The following CHD9 variants were observed in gnomAD, a reference collection of about 807,000 sequenced individuals.
CHD9 encodes the protein chromodomain helicase DNA binding protein 9.
Under a neutral mutation model 316.1 loss-of-function variants are expected in CHD9, and 77 were observed. That is an observed-to-expected ratio of 0.24 (90% CI 0.20 to 0.29). The LOEUF (loss-of-function observed/expected upper bound fraction) is 0.29. Among genes scored for constraint, CHD9 ranks in the 10% least tolerant of loss-of-function variants. The pLI is 1.00. For synonymous variants in CHD9, 1,129 were observed against 1,158.3 expected, an observed-to-expected ratio of 0.97 and a Z score of 0.51; for missense variants, 2,763 against 3,438.1, an observed-to-expected ratio of 0.80 and a Z score of 4.91.
rs1316971528 is a variant in CHD9 at position 53,156,027 on chromosome 16, T to C, written c.-63T>C. 20 of 1,486,672 alleles carry C rather than the reference T, an allele frequency of 1.3e-5. No individual in the cohort carries two copies. The highest frequency in any genetic ancestry group is 2.8e-5 in the African/African-American group (2 of 71,670). 92.1% of individuals were successfully genotyped at this position (1,486,672 alleles called of 1,614,324 possible). ...TCGGAAATGATCCAATAATATCTAC[T>C]ATAGAGAAGCTGAATATACTCCATT... On this transcript the variant is annotated 5_prime_UTR_variant, in exon 2 of 39. Coordinates refer to ENST00000447540, the MANE Select transcript of CHD9 (RefSeq NM_001308319.2).
chr16:53,074,225 A>ATTTCTAAGCAGCAAAGATATCT, intron 1 of CHD9, among the ~76,000 whole-genome samples: 1 of 152,342 alleles, frequency 6.6e-6, no homozygotes, highest in Admixed American at 6.5e-5. Flanking sequence ...GATTTAGGGT[A>ATTTCTAAGCAGCAAAGATATCT]TCTGGTGGAA....
Position 53,068,737 on chromosome 16 carries a change from A to C in CHD9, c.-165+13660A>C, listed in dbSNP as rs116591158. ...TCATCTTTCTCTCCCACCTGCACAC[A>C]CTGGGCTCAGTGCAAGCTTGCGGTC... On this transcript the variant is annotated intron_variant, in intron 1 of 38. Coordinates refer to ENST00000447540, the MANE Select transcript of CHD9 (RefSeq NM_001308319.2). 8.5e-3 allele frequency among the ~76,000 whole-genome samples: 1,294 copies of C among 152,270 alleles called. 24 individuals carry two copies. Among genetic ancestry groups the C allele is most frequent in the African/African-American group, 0.029 (1,203 of 41,546 alleles).
rs138926987 is a variant in CHD9 at position 53,213,709 on chromosome 16, C to T, written c.1784+3896C>T. Reference sequence around the variant, plus strand: ...TTATCGAATGGGATTTCACATGATTCGATAGAAGTATTTTTAAACCTATGA... The same window carrying T: ...TTATCGAATGGGATTTCACATGATTTGATAGAAGTATTTTTAAACCTATGA... On this transcript the variant is annotated intron_variant, in intron 3 of 38. Transcript: ENST00000447540. 9.2e-5 allele frequency among the ~76,000 whole-genome samples: 14 copies of T among 152,160 alleles called. No individual in the cohort carries two copies. The East Asian group carries it at 2.1e-3, about 23-fold the overall frequency.
At chr16:53,124,467 ATTTTTTTTTTTTT>A (rs753476091) in intron 1 of CHD9, among the ~76,000 whole-genome samples, 13 of 96,924 alleles carry the variant, frequency 1.3e-4, no homozygotes, top group South Asian at 4.1e-4. Flanking sequence ...GTGAGACTTA[ATTTTTTTTTTTTT>A]TTTTTTTTTT....
At chr16:53,186,531 C>T (rs191451531) in intron 2 of CHD9, among the ~76,000 whole-genome samples, 131 of 152,166 alleles carry the variant, frequency 8.6e-4, no homozygotes, top group African/African-American at 2.8e-3. Flanking sequence ...TGAAATAAGA[C>T]TTCGAGGGAC....
At chr16:53,125,638 T>C (rs1299493190) in intron 1 of CHD9, among the ~76,000 whole-genome samples, 1 of 152,214 alleles carries the variant, frequency 6.6e-6, no homozygotes, top group Non-Finnish European at 1.5e-5. Context: ...GCTAGAGATA[T>C]ATAGTAGATA....
intron 10 of CHD9, 55 bp downstream of exon 10, chr16:53,231,839 T>C: frequency 7.2e-7 from 1 of 1,389,572 alleles, no homozygotes; most frequent in Non-Finnish European, 9.9e-7. Context: ...TTATGTAAGT[T>C]ATGATATTGC....
intron 1 of CHD9, among the ~76,000 whole-genome samples, chr16:53,134,470 C>G (rs910621689): frequency 7.1e-6 from 1 of 140,952 alleles, no homozygotes; most frequent in Non-Finnish European, 1.5e-5. Context: ...GCTTCACTCC[C>G]TTACTTTTCC....
intron 1 of CHD9, among the ~76,000 whole-genome samples, chr16:53,126,970 C>T (rs1202278708): frequency 6.6e-6 from 1 of 151,610 alleles, no homozygotes; most frequent in East Asian, 1.9e-4. Context: ...TGAGCCACCG[C>T]ACCCAGCCAG....
At chr16:53,284,123 G>C (rs557703889) in intron 24 of CHD9, among the ~76,000 whole-genome samples, 1 of 151,932 alleles carries the variant, frequency 6.6e-6, no homozygotes, top group Admixed American at 6.6e-5. Context: ...TTGTCAATAG[G>C]AAATCCCCCA....
chr16:53,226,384 CAAATT>C lies in CHD9; in HGVS notation c.1919_1923del (p.Ile640LysfsTer14). On this transcript the variant is annotated frameshift_variant, in exon 5 of 39. Coordinates refer to ENST00000447540, the MANE Select transcript of CHD9 (RefSeq NM_001308319.2). LOFTEE classifies it high-confidence loss of function. The stretch of plus-strand genomic sequence containing the variant: ...ATTACAGAAAAGAAGATCAAATCGA[CAAATT>C]AAAAGAAAAAAATACGCAGAAGATA... 1 of 1,567,320 alleles carries C rather than the reference CAAATT, an allele frequency of 6.4e-7. No homozygotes were observed. The highest frequency in any genetic ancestry group is 8.6e-7 in the Non-Finnish European group (1 of 1,160,278).
intron 2 of CHD9, among the ~76,000 whole-genome samples, chr16:53,193,442 C>A (rs1186756284): frequency 6.7e-6 from 1 of 149,230 alleles, no homozygotes; most frequent in Non-Finnish European, 1.5e-5. Flanking sequence ...GAGTGAGACT[C>A]TGTCCCAAAA....
At chr16:53,098,143 G>A (rs2036536023) in intron 1 of CHD9, among the ~76,000 whole-genome samples, 1 of 151,924 alleles carries the variant, frequency 6.6e-6, no homozygotes, top group African/African-American at 2.4e-5. Flanking sequence ...GGAACCAACT[G>A]TTTTTTCAGG....
At chr16:53,231,934 AG>A in intron 10 of CHD9, 150 bp downstream of exon 10, 1 of 729,836 alleles carries the variant, frequency 1.4e-6, no homozygotes. Flanking sequence ...AAAGCTTAAG[AG>A]GGAGTTTATA....
At chr16:53,313,594 CT>C (rs2056646479) in intron 34 of CHD9, among the ~76,000 whole-genome samples, 1 of 152,054 alleles carries the variant, frequency 6.6e-6, no homozygotes, top group African/African-American at 2.4e-5. Context: ...GCGTGAGCCA[CT>C]ATGCCCGGCC....
intron 12 of CHD9, among the ~76,000 whole-genome samples, chr16:53,240,187 A>G (rs981849155): frequency 1.1e-4 from 16 of 152,156 alleles, no homozygotes; most frequent in Non-Finnish European, 1.9e-4. Context: ...GATTACAGGC[A>G]GGAGCCACTG....
chr16:53,321,714 A>C, intron 38 of CHD9, 84 bp downstream of exon 38: 1 of 755,392 alleles, frequency 1.3e-6, no homozygotes, highest in Non-Finnish European at 1.9e-6. Context: ...TATAATTAAT[A>C]AAATATTCCA....
chr16:53,077,170 T>G (rs1333421840), intron 1 of CHD9, among the ~76,000 whole-genome samples: 3 of 152,170 alleles, frequency 2.0e-5, no homozygotes, highest in South Asian at 4.2e-4. Context: ...GTATTTTTAG[T>G]AGAAACAGGG....
chr16:53,300,722 T>TC (rs1464479845), intron 30 of CHD9, among the ~76,000 whole-genome samples: 2 of 152,230 alleles, frequency 1.3e-5, no homozygotes, highest in Non-Finnish European at 2.9e-5. Flanking sequence ...CCCGCAGTGT[T>TC]CAAGTGCTGG....
Sources: gnomAD v4.1 joint callset for allele counts (sites outside exome capture counted in the v4.1 genomes callset) on GRCh38, gnomAD v4.1.1 for gene constraint, MANE v1.5 for transcripts, NCBI Gene and HGNC (gene_info 2026-07-23, HGNC 2026-07-21) for gene names.